RNF212B: variants seen among roughly 807,000 people sequenced by gnomAD.
RNF212B encodes the protein ring finger protein 212B, also known as E3 ubiquitin-protein ligase RNF212B.
A neutral mutation model predicts 55.5 loss-of-function variants in RNF212B; 52 were observed. The observed-to-expected ratio is 0.94, with a 90% CI of 0.75 to 1.18. The LOEUF is 1.18. RNF212B is among the 50% of genes most tolerant of loss of function. The pLI, the probability that RNF212B is intolerant of heterozygous loss-of-function variation, is 0.00. For synonymous variants in RNF212B, 99 were observed against 121.4 expected, an observed-to-expected ratio of 0.82 and a Z score of 1.21; for missense variants, 289 against 350.4, an observed-to-expected ratio of 0.82 and a Z score of 1.40.
At chr14:23,203,029 C>T (rs1879464876) in intron 2 of RNF212B, among the ~76,000 whole-genome samples, 2 of 151,938 alleles carry the variant, frequency 1.3e-5, no homozygotes, top group South Asian at 4.2e-4. Context: ...TATTTGGTTA[C>T]ATAACTGAGT....
At chr14:23,233,255 C>A (rs62213660), upstream of RNF212B, among the ~76,000 whole-genome samples, 23,581 of 151,944 alleles carry the variant, frequency 0.16, 2,153 homozygotes, top group Middle Eastern at 0.24. Context: ...AAGTACCCAG[C>A]GACACAAACA....
At chr14:23,197,829 C>T (rs923394210) in intron 2 of RNF212B, among the ~76,000 whole-genome samples, 3 of 150,004 alleles carry the variant, frequency 2.0e-5, no homozygotes, top group Admixed American at 6.7e-5. Context: ...TGGGTGCAGG[C>T]GGGCTGAGTC....
intron 2 of RNF212B, among the ~76,000 whole-genome samples, chr14:23,203,482 C>CT (rs35208170): frequency 0.57 from 72,006 of 125,742 alleles, 22,965 homozygotes; most frequent in East Asian, 0.78. Context: ...TTTAGTCCCC[C>CT]TTTTTTTTTT....
chr14:23,261,159 C>A, intron 7 of RNF212B: 2 of 289,412 alleles, frequency 6.9e-6, no homozygotes, highest in Admixed American at 4.8e-5. Context: ...TGAAAAGGGG[C>A]AAAGGTAGAG....
intron 4 of RNF212B, among the ~76,000 whole-genome samples, chr14:23,256,591 C>T (rs1229991725): frequency 2.0e-5 from 3 of 151,986 alleles, no homozygotes; most frequent in African/African-American, 7.2e-5. Flanking sequence ...AGGCTGGTCT[C>T]GAACTCCTGA....
In RNF212B at chr14:23,243,375, A is replaced by G. The variant is rs553210901; in HGVS notation, c.153+67A>G. 1.3e-5 allele frequency: 17 copies of G among 1,283,228 alleles called. No individual in the cohort carries two copies. In the African/African-American group the frequency reaches 2.1e-4, roughly 16 times the overall value. 79.5% of individuals were successfully genotyped at this position (1,283,228 alleles called of 1,614,324 possible). Reference sequence around the variant, plus strand: ...CCTGGCCTGTAGGAAGTATATACAAAGTACAGATGATGAATTGTTTCAAAA... The same window carrying G: ...CCTGGCCTGTAGGAAGTATATACAAGGTACAGATGATGAATTGTTTCAAAA... On this transcript the variant is annotated intron_variant, in intron 3 of 14. Transcript: ENST00000430154.
At chr14:23,215,250 T>C (rs1300142415) in intron 2 of RNF212B, among the ~76,000 whole-genome samples, 1 of 152,188 alleles carries the variant, frequency 6.6e-6, no homozygotes, top group Admixed American at 6.5e-5. Flanking sequence ...TTTGCCATGA[T>C]TGTAAGTTTC....
At chr14:23,271,610 T>C (rs1264406531) in intron 14 of RNF212B, among the ~76,000 whole-genome samples, 1 of 152,022 alleles carries the variant, frequency 6.6e-6, no homozygotes, top group Non-Finnish European at 1.5e-5. Context: ...TATATTTTGC[T>C]CCCATATTCC....
upstream of RNF212B, among the ~76,000 whole-genome samples, chr14:23,237,666 T>TA (rs1883212938): frequency 6.6e-6 from 1 of 152,222 alleles, no homozygotes; most frequent in Admixed American, 6.5e-5. Flanking sequence ...TAATTAGGTT[T>TA]TATTTTCACC....
At chr14:23,246,450 GC>G (rs1883986084) in intron 4 of RNF212B, among the ~76,000 whole-genome samples, 1 of 151,918 alleles carries the variant, frequency 6.6e-6, no homozygotes, top group Non-Finnish European at 1.5e-5. Flanking sequence ...GACCAACTCG[GC>G]CTGCTAACTT....
chr14:23,239,052 C>G (rs1458848951), intron 1 of RNF212B, among the ~76,000 whole-genome samples: 3 of 152,126 alleles, frequency 2.0e-5, no homozygotes, highest in Non-Finnish European at 1.5e-5. Flanking sequence ...AAGTCCATAT[C>G]AGATCTATGA....
chr14:23,244,504 G>T (rs954580225), intron 4 of RNF212B, 108 bp downstream of exon 4: 5 of 586,534 alleles, frequency 8.5e-6, no homozygotes, highest in African/African-American at 1.9e-5. Context: ...ACAATGGAGG[G>T]AAATTGACTG....
intron 14 of RNF212B, among the ~76,000 whole-genome samples, chr14:23,271,004 T>G (rs1304306528): frequency 3.3e-5 from 5 of 152,218 alleles, no homozygotes; most frequent in Non-Finnish European, 7.3e-5. Flanking sequence ...GTAGGGGTAC[T>G]ACTTGAACTA....
chr14:23,256,799 A>C (rs538244570), intron 4 of RNF212B, among the ~76,000 whole-genome samples: 5 of 152,326 alleles, frequency 3.3e-5, no homozygotes, highest in African/African-American at 9.6e-5. Flanking sequence ...CAATCCACCC[A>C]CTTCAGCCTT....
At chr14:23,271,477 G>T (rs1462810883) in intron 14 of RNF212B, among the ~76,000 whole-genome samples, 4 of 143,026 alleles carry the variant, frequency 2.8e-5, no homozygotes, top group African/African-American at 1.0e-4. Flanking sequence ...AAAAATAAAA[G>T]TCCAGTCTTG....
chr14:23,259,149 C>A (rs1594942775), intron 5 of RNF212B, among the ~76,000 whole-genome samples: 1 of 151,480 alleles, frequency 6.6e-6, no homozygotes, highest in African/African-American at 2.4e-5. Context: ...TATGATCACA[C>A]CACGACACTC....
At chr14:23,213,055 G>A (rs1276278858) in intron 2 of RNF212B, among the ~76,000 whole-genome samples, 4 of 151,916 alleles carry the variant, frequency 2.6e-5, no homozygotes, top group African/African-American at 9.7e-5. Context: ...GGTTATGCCT[G>A]TAATCCCAGC....
intron 2 of RNF212B, among the ~76,000 whole-genome samples, chr14:23,226,446 C>T (rs1245921813): frequency 4.6e-5 from 7 of 151,512 alleles, no homozygotes; most frequent in African/African-American, 9.7e-5. Flanking sequence ...CTGGCTAACA[C>T]GGTGGAACCC....
chr14:23,269,047 G>T (rs1412502861), intron 12 of RNF212B, 84 bp downstream of exon 12: 1 of 1,150,776 alleles, frequency 8.7e-7, no homozygotes, highest in Non-Finnish European at 1.3e-6. Flanking sequence ...GCTCACGCCT[G>T]TAATCCCAGC....
Sources: allele counts gnomAD v4.1 joint callset (sites outside exome capture counted in the v4.1 genomes callset), GRCh38; gene constraint gnomAD v4.1.1; transcripts MANE v1.5; gene names NCBI Gene and HGNC (gene_info 2026-07-23, HGNC 2026-07-21).